Variants in SPEF2 observed in about 807,000 individuals in gnomAD.
The protein encoded by SPEF2 is sperm flagella and cilia-associated protein 2.
A neutral mutation model predicts 224.6 loss-of-function variants in SPEF2; 187 were observed. The ratio of observed to expected loss-of-function variants is 0.83; its 90% confidence interval spans 0.74 to 0.94. The LOEUF is 0.94. Ranked by LOEUF, SPEF2 falls within the 40% of genes least tolerant of loss-of-function variation. SPEF2 has a pLI of 0.00. For synonymous variants in SPEF2, 715 were observed against 707.3 expected (o/e 1.01, Z -0.17); for missense variants, 2,170 against 2,135.6 (o/e 1.02, Z -0.32).
rs1351857859 is a variant in SPEF2 at position 35,705,799 on chromosome 5, AAG to A, written c.2658_2659del (p.Asn887Ter). On this transcript the variant is annotated frameshift_variant, in exon 18 of 37. Coordinates refer to ENST00000356031, the MANE Select transcript of SPEF2 (RefSeq NM_024867.4). LOFTEE classifies it high-confidence loss of function. ...TCTTACGACTGAAATAGCAAAAAAA[AAG>A]AATAAAGGTATTTACATTTGTTTAT... ...EILTTEIAKKKNKVEKKLEEK... is the reference protein window; with the variant it reads ...EILTTEIAKKXNKVEKKLEEK... 1.3e-6 allele frequency: 2 copies of A among 1,481,548 alleles called. No individual in the cohort carries two copies. Among genetic ancestry groups the A allele is most frequent in the Admixed American group, 4.4e-5 (2 of 45,844 alleles). The allele number at this position is 1,481,548 out of a possible 1,614,324, so 91.8% of individuals were successfully genotyped here.
At chr5:35,784,129 ATT>A (rs201823821) in intron 30 of SPEF2, among the ~76,000 whole-genome samples, 25 of 141,998 alleles carry the variant, frequency 1.8e-4, no homozygotes, top group African/African-American at 3.3e-4. Flanking sequence ...AGACCGATAG[ATT>A]TTTTTTTTTT....
At chr5:35,775,196 G>T (rs999865544) in intron 28 of SPEF2, among the ~76,000 whole-genome samples, 1 of 152,092 alleles carries the variant, frequency 6.6e-6, no homozygotes, top group Non-Finnish European at 1.5e-5. Context: ...CTACTGAAGA[G>T]ATTGAGGTGA....
intron 10 of SPEF2, among the ~76,000 whole-genome samples, chr5:35,674,977 A>G (rs962057041): frequency 2.6e-5 from 4 of 152,180 alleles, no homozygotes; most frequent in African/African-American, 9.7e-5. Flanking sequence ...GACTATGAAG[A>G]TGCTTCTACT....
At position 35,806,728 on chromosome 5, in the gene SPEF2, C is replaced by G. The variant is rs376441187; in HGVS notation, c.5032C>G (p.Pro1678Ala). 3.0e-5 allele frequency: 49 copies of G among 1,613,486 alleles called. No homozygotes were observed. The highest frequency in any genetic ancestry group is 4.1e-5 in the Non-Finnish European group (48 of 1,179,914). The part of the protein sequence containing the change: ...AEKTSSTDAG[P>A]AEEFPEPEEN... ...GCAGACCTCCTCAACTGATGCAGGT[C>G]CAGCTGAGGAATTTCCTGAACCTGA... The change falls in exon 35 of 37, where the codon CCA becomes GCA. Residue 1678 changes from proline (P) to alanine (A), a missense_variant. By Grantham distance (27) the Pro-to-Ala change is conservative. Coordinates refer to ENST00000356031, the MANE Select transcript of SPEF2 (RefSeq NM_024867.4).
chr5:35,790,275 G>T, intron 30 of SPEF2: 2 of 622,168 alleles, frequency 3.2e-6, no homozygotes, highest in East Asian at 2.7e-5. Context: ...CCCTAGGAAA[G>T]CTATCCATTT....
intron 24 of SPEF2, among the ~76,000 whole-genome samples, chr5:35,755,840 C>T (rs937282802): frequency 1.3e-5 from 2 of 152,092 alleles, no homozygotes; most frequent in Admixed American, 1.3e-4. Flanking sequence ...GAGCTCCTGA[C>T]CTCAGGTGAT....
chr5:35,772,888 T>C (rs1753071166), intron 27 of SPEF2, among the ~76,000 whole-genome samples: 1 of 152,202 alleles, frequency 6.6e-6, no homozygotes, highest in African/African-American at 2.4e-5. Flanking sequence ...ATCTTCTCTA[T>C]AAGATTTGAA....
intron 2 of SPEF2, among the ~76,000 whole-genome samples, chr5:35,630,492 C>G (rs748677277): frequency 6.6e-6 from 1 of 152,078 alleles, no homozygotes; most frequent in Non-Finnish European, 1.5e-5. Flanking sequence ...GTCAGGAGAT[C>G]GAAATCATCC....
intron 21 of SPEF2, among the ~76,000 whole-genome samples, chr5:35,728,588 G>T (rs1745078731): frequency 6.6e-6 from 1 of 152,078 alleles, no homozygotes; most frequent in Non-Finnish European, 1.5e-5. Context: ...CAACAATTGT[G>T]GTGTTGCTGT....
intron 8 of SPEF2, among the ~76,000 whole-genome samples, chr5:35,663,735 A>G (rs900400432): frequency 6.6e-6 from 1 of 152,128 alleles, no homozygotes; most frequent in Non-Finnish European, 1.5e-5. Context: ...TTTTCCTTAA[A>G]TCAACCCTAA....
chr5:35,694,733 G>A (rs56892939), intron 13 of SPEF2, among the ~76,000 whole-genome samples: 16,854 of 152,094 alleles, frequency 0.11, 1,692 homozygotes, highest in African/African-American at 0.26. Context: ...CTTTCTACGT[G>A]CTCCTGCTTT....
At chr5:35,685,377 G>A (rs980404224) in intron 10 of SPEF2, among the ~76,000 whole-genome samples, 1 of 152,050 alleles carries the variant, frequency 6.6e-6, no homozygotes, top group Non-Finnish European at 1.5e-5. Flanking sequence ...ACTTACCAAA[G>A]TTGACAACTT....
chr5:35,777,664 CAAAT>C (rs35899152), intron 29 of SPEF2, among the ~76,000 whole-genome samples: 13,456 of 143,910 alleles, frequency 0.094, 645 homozygotes, highest in South Asian at 0.17. Flanking sequence ...AAATGTGATA[CAAAT>C]AAATAAATAA....
At chr5:35,785,993 C>A (rs967032081) in intron 30 of SPEF2, among the ~76,000 whole-genome samples, 1 of 152,172 alleles carries the variant, frequency 6.6e-6, no homozygotes, top group Non-Finnish European at 1.5e-5. Flanking sequence ...CTCACATAGG[C>A]AACAGTAGCT....
At chr5:35,664,142 T>G (rs1180372198) in intron 8 of SPEF2, among the ~76,000 whole-genome samples, 2 of 152,148 alleles carry the variant, frequency 1.3e-5, no homozygotes, top group Non-Finnish European at 2.9e-5. Flanking sequence ...TCATACCCCA[T>G]GGTCTTGCCC....
rs776246944 is a variant in SPEF2 at position 35,692,604 on chromosome 5, T to C, written c.1779T>C (p.Leu593=). 14 of 1,613,202 alleles carry C rather than the reference T, an allele frequency of 8.7e-6. No homozygotes were observed. Among genetic ancestry groups the C allele is most frequent in the Non-Finnish European group, 1.2e-5 (14 of 1,179,410 alleles). Residue 593 remains leucine (L), a synonymous_variant, in exon 12 of 37, where the codon CTT becomes CTC. Transcript: ENST00000356031. The part of the protein sequence containing the change: ...FPIQILSIDT[L]VQEAIQAFHD... ...TACAGATACTTTCTATTGACACTCT[T>C]GTCCAAGAAGCTATCCAAGCATTTC...
In SPEF2 at chr5:35,714,268, G is replaced by A. The variant is rs78006390; in HGVS notation, c.2914+1382G>A. On this transcript the variant is annotated intron_variant, in intron 20 of 36. Transcript: ENST00000356031. ...TTTTTCAACCATCAAAGAGTAAAGA[G>A]AACCTTGCAAATATTTTAGAGAACT... Among the ~76,000 whole-genome samples the A allele has an allele frequency of 1.9e-3, 292 of 151,244 alleles. 2 individuals carry two copies. The highest frequency in any genetic ancestry group is 6.7e-3 in the African/African-American group (277 of 41,284).
chr5:35,629,423 C>T (rs1171456676), intron 2 of SPEF2, among the ~76,000 whole-genome samples: 1 of 151,968 alleles, frequency 6.6e-6, no homozygotes, highest in Non-Finnish European at 1.5e-5. Context: ...TCCTAAAGTG[C>T]TGGGATTACA....
rs77663430 is a variant in SPEF2 at position 35,627,646 on chromosome 5, G to A, written c.59-814G>A. 3.7e-3 allele frequency among the ~76,000 whole-genome samples: 558 copies of A among 152,262 alleles called. 4 individuals carry two copies. The highest frequency in any genetic ancestry group is 0.013 in the African/African-American group (530 of 41,564). Reference sequence around the variant, plus strand: ...TAAAATTCTGCACTTATCATTATGTGCCTACTATGTGGCAGGCATGGCACC... The same window carrying A: ...TAAAATTCTGCACTTATCATTATGTACCTACTATGTGGCAGGCATGGCACC... On this transcript the variant is annotated intron_variant, in intron 1 of 36. Coordinates refer to ENST00000356031, the MANE Select transcript of SPEF2 (RefSeq NM_024867.4).
Sources: allele counts gnomAD v4.1 joint callset (sites outside exome capture counted in the v4.1 genomes callset), GRCh38; gene constraint gnomAD v4.1.1; transcripts MANE v1.5; gene names NCBI Gene and HGNC (gene_info 2026-07-23, HGNC 2026-07-21).